NANOGP8: variants seen among roughly 807,000 people sequenced by gnomAD.
NANOGP8 encodes the protein Nanog homeobox retrogene P8.
For missense variants in NANOGP8, 220 were observed against 353.4 expected, an observed-to-expected ratio of 0.62 and a Z score of 3.03; for synonymous variants, 84 against 125.9, an observed-to-expected ratio of 0.67 and a Z score of 2.23.
Position 35,084,874 on chromosome 15 carries a change from A to T in NANOGP8, c.237T>A (p.Ser79=). The change falls in exon 1 of 1, where the codon TCT becomes TCA. Residue 79 remains serine, a synonymous_variant. Coordinates refer to ENST00000528386, the MANE Select transcript of NANOGP8 (RefSeq NM_001355281.2). ...STSPKGKQPT[S]AENSVAKKED... ...CCTTTTTTGCGACACTATTCTCTGC[A>T]GAAGTGGGTTGTTTGCCTTTGGGAC... 2.5e-6 allele frequency: 4 copies of T among 1,613,854 alleles called. No homozygotes were observed. Among genetic ancestry groups the T allele is most frequent in the Non-Finnish European group, 3.4e-6 (4 of 1,179,870 alleles).
Position 35,083,601 on chromosome 15 carries a change from C to T in NANOGP8, c.*592G>A, listed in dbSNP as rs1189522606. ...TCTAAACCCTAAAGATATCCAAACT[C>T]GTATTAGATCTACTTATCTATAGCC... is the stretch of plus-strand genomic sequence containing the variant. On this transcript the variant is annotated 3_prime_UTR_variant, in exon 1 of 1. Transcript: ENST00000528386. 8.6e-6 allele frequency among the ~76,000 whole-genome samples: 1 copy of T among 116,784 alleles called. No individual in the cohort carries two copies. Among genetic ancestry groups the T allele is most frequent in the South Asian group, 3.0e-4 (1 of 3,298 alleles). The allele number at this position is 116,784 out of a possible 152,430, so 76.6% of individuals were successfully genotyped here.
Position 35,084,914 on chromosome 15 carries a change from G to A in NANOGP8, c.197C>T (p.Pro66Leu), listed in dbSNP as rs2050909089. ...SSMDLLIQDS[P>L]DSSTSPKGKQ... is the part of the protein sequence containing the mutation. ...GCCTTTGGGACTGGTGGAAGAATCAGGGCTGTCCTGAATAAGCAGATCCAT... is the reference window on the plus strand; with the variant it reads ...GCCTTTGGGACTGGTGGAAGAATCAAGGCTGTCCTGAATAAGCAGATCCAT... Residue 66 changes from proline to leucine, a missense_variant, in exon 1 of 1, where the codon CCT (proline) becomes CTT (leucine). Transcript: ENST00000528386. 1.2e-6 allele frequency: 2 copies of A among 1,612,614 alleles called. No homozygotes were observed. The highest frequency in any genetic ancestry group is 1.7e-6 in the Non-Finnish European group (2 of 1,179,566).
At position 35,084,587 on chromosome 15, in the gene NANOGP8, G is replaced by A. The variant is rs560631713; in HGVS notation, c.524C>T (p.Pro175Leu). 1 of 1,613,806 alleles carries A rather than the reference G, an allele frequency of 6.2e-7. No homozygotes were observed. Among genetic ancestry groups the A allele is most frequent in the African/African-American group, 1.3e-5 (1 of 74,912 alleles). Residue 175 changes from proline to leucine, a missense_variant, in exon 1 of 1, where the codon CCC becomes CTC. Coordinates refer to ENST00000528386, the MANE Select transcript of NANOGP8 (RefSeq NM_001355281.2). ...VTQKASAPTY[P>L]SLYSSYHQGC... Reference sequence around the variant, plus strand: ...CTGGTGGTAGGAAGAGTAGAGGCTGGGGTAGGTAGGTGCTGAGGCCTTCTG... The same window carrying A: ...CTGGTGGTAGGAAGAGTAGAGGCTGAGGTAGGTAGGTGCTGAGGCCTTCTG...
At position 35,084,606 on chromosome 15, in the gene NANOGP8, C is replaced by T; in HGVS notation, c.505G>A (p.Ala169Thr). 1 of 1,613,938 alleles carries T rather than the reference C, an allele frequency of 6.2e-7. No homozygotes were observed. The highest frequency in any genetic ancestry group is 8.5e-7 in the Non-Finnish European group (1 of 1,179,870). ...AGGCTGGGGTAGGTAGGTGCTGAGG[C>T]CTTCTGCGTCACACCATTGCTATTC... ...PKNSNGVTQK[A>T]SAPTYPSLYS... The change falls in exon 1 of 1, where the codon GCC (alanine) becomes ACC (threonine). Residue 169 changes from alanine to threonine, a missense_variant. By Grantham distance (58) the Ala-to-Thr change is moderately conservative. Coordinates refer to ENST00000528386, the MANE Select transcript of NANOGP8 (RefSeq NM_001355281.2).
In NANOGP8 at chr15:35,084,897, G is replaced by C. The variant is rs536101592; in HGVS notation, c.214C>G (p.Pro72Ala). 3.1e-6 allele frequency: 5 copies of C among 1,613,326 alleles called. No homozygotes were observed. In the African/African-American group the frequency reaches 6.7e-5, roughly 22 times the overall value. ...GCAGAAGTGGGTTGTTTGCCTTTGGGACTGGTGGAAGAATCAGGGCTGTCC... is the reference window on the plus strand; with the variant it reads ...GCAGAAGTGGGTTGTTTGCCTTTGGCACTGGTGGAAGAATCAGGGCTGTCC... ...IQDSPDSSTS[P>A]KGKQPTSAEN... Residue 72 changes from proline to alanine, a missense_variant, in exon 1 of 1, where the codon CCC becomes GCC. Coordinates refer to ENST00000528386, the MANE Select transcript of NANOGP8 (RefSeq NM_001355281.2).
chr15:35,084,756 A>G lies in NANOGP8; in HGVS notation c.355T>C (p.Tyr119His), dbSNP rs1056897278. The change falls in exon 1 of 1, where the codon TAC (tyrosine) becomes CAC (histidine). Residue 119 changes from tyrosine (Y) to histidine (H), a missense_variant. By Grantham distance (83) the Tyr-to-His change is moderately conservative. Coordinates refer to ENST00000528386, the MANE Select transcript of NANOGP8 (RefSeq NM_001355281.2). ...VLNDRFQRQK[Y>H]LSLQQMQELS... is the part of the protein sequence containing the mutation. The stretch of plus-strand genomic sequence containing the variant: ...TCTTGCATCTGCTGGAGGCTGAGGT[A>G]TTTCTGTCTCTGAAATCTATCATTG... 11 of 1,613,958 alleles carry G rather than the reference A, an allele frequency of 6.8e-6. No homozygotes were observed. The highest frequency in any genetic ancestry group is 1.3e-5 in the African/African-American group (1 of 74,918).
chr15:35,084,858 C>A lies in NANOGP8; in HGVS notation c.253G>T (p.Ala85Ser). Reference sequence around the variant, plus strand: ...ACCGGGACCTTGTCTTCCTTTTTTGCGACACTATTCTCTGCAGAAGTGGGT... The same window carrying A: ...ACCGGGACCTTGTCTTCCTTTTTTGAGACACTATTCTCTGCAGAAGTGGGT... ...KQPTSAENSV[A>S]KKEDKVPVKK... The change falls in exon 1 of 1, where the codon GCA becomes TCA. Residue 85 changes from alanine to serine, a missense_variant. Transcript: ENST00000528386. The A allele has an allele frequency of 6.2e-7, 1 of 1,613,782 alleles. No homozygotes were observed. Among genetic ancestry groups the A allele is most frequent in the African/African-American group, 1.3e-5 (1 of 74,998 alleles).
rs895183342 is a variant in NANOGP8, at chr15:35,085,051, T to G, written c.60A>C (p.Lys20Asn). The change falls in exon 1 of 1, where the codon AAA (lysine) becomes AAC (asparagine). Residue 20 changes from lysine (K) to asparagine (N), a missense_variant. Transcript: ENST00000528386. ...SLPCFEESDC[K>N]ESSPMPVICG... Reference sequence around the variant, plus strand: ...AAATCACAGGCATAGGTGAAGATTCTTTACAGTCGGATTCTTCAAAGCAAG... The same window carrying G: ...AAATCACAGGCATAGGTGAAGATTCGTTACAGTCGGATTCTTCAAAGCAAG... 6.3e-7 allele frequency: 1 copy of G among 1,586,770 alleles called. No individual in the cohort carries two copies. Among genetic ancestry groups the G allele is most frequent in the African/African-American group, 1.3e-5 (1 of 74,430 alleles).
Position 35,084,357 on chromosome 15 carries a change from T to G in NANOGP8, c.754A>C (p.Met252Leu), listed in dbSNP as rs111376132. 40,984 of 1,609,716 alleles carry G rather than the reference T, an allele frequency of 0.025. 745 individuals are homozygous for G. Among genetic ancestry groups the G allele is most frequent in the African/African-American group, 0.094 (7,004 of 74,550 alleles). Residue 252 changes from methionine (M) to leucine (L), a missense_variant, in exon 1 of 1, where the codon ATG becomes CTG. Transcript: ENST00000528386. ...NCGEESLQSC[M>L]HFQPNSPASD... is the part of the protein sequence containing the mutation. Reference sequence around the variant, plus strand: ...GCAGGAGAATTTGGCTGGAAGTGCATGCAGGACTGCAGAGATTCCTCTCCA... The same window carrying G: ...GCAGGAGAATTTGGCTGGAAGTGCAGGCAGGACTGCAGAGATTCCTCTCCA...
rs953674603 is a variant in NANOGP8, at chr15:35,085,155, GA to G, written c.-46del. 5 of 1,154,524 alleles carry G rather than the reference GA, an allele frequency of 4.3e-6. No homozygotes were observed. The highest frequency in any genetic ancestry group is 1.9e-5 in the Admixed American group (1 of 51,600). The allele number at this position is 1,154,524 out of a possible 1,614,324, so 71.5% of individuals were successfully genotyped here. A position where few individuals can be genotyped will look rare whatever the true frequency, so the allele number is the denominator to read the frequency against. ...AGGAAAAAATTTAAGAGGTGGACTGGAAAAAAGGTTAAGGCAGCTTTAAGAC... is the reference window on the plus strand; with the variant it reads ...AGGAAAAAATTTAAGAGGTGGACTGGAAAAAGGTTAAGGCAGCTTTAAGAC... On this transcript the variant is annotated 5_prime_UTR_variant, in exon 1 of 1. Transcript: ENST00000528386.
rs2050909153 is a variant in NANOGP8, at chr15:35,084,934, A to G, written c.177T>C (p.Asp59=). The G allele has an allele frequency of 1.9e-6, 3 of 1,611,832 alleles. No individual in the cohort carries two copies. In the East Asian group the frequency reaches 6.7e-5, roughly 36 times the overall value. The change falls in exon 1 of 1, where the codon GAT becomes GAC. Residue 59 remains aspartate (D), a synonymous_variant. Coordinates refer to ENST00000528386, the MANE Select transcript of NANOGP8 (RefSeq NM_001355281.2). ...AATCAGGGCTGTCCTGAATAAGCAG[A>G]TCCATGGAGGAAGGAAGAGGAGAGA... is the stretch of plus-strand genomic sequence containing the variant. The part of the protein sequence containing the change: ...ETVSPLPSSM[D]LLIQDSPDSS...
Position 35,083,967 on chromosome 15 carries a change from T to G in NANOGP8, c.*226A>C, listed in dbSNP as rs1333897752. Among the ~76,000 whole-genome samples, 2 of 89,626 alleles carry G rather than the reference T, an allele frequency of 2.2e-5. No homozygotes were observed. Among genetic ancestry groups the G allele is most frequent in the Non-Finnish European group, 4.6e-5 (2 of 43,218 alleles). The allele number at this position is 89,626 out of a possible 152,430, so 58.8% of individuals were successfully genotyped here. ...TCTCAAAAAAAAAAAAAAAAAAAAG[T>G]ATTTTCTCCAGGAAGATCCAATAGG... On this transcript the variant is annotated 3_prime_UTR_variant, in exon 1 of 1. Transcript: ENST00000528386.
In NANOGP8 at chr15:35,084,524, C is replaced by T; in HGVS notation, c.539G>A (p.Trp180Ter). Residue 180 changes from tryptophan to a stop codon, truncating the protein, a stop_gained, in exon 2 of 2, where the codon TGG becomes TAG. Coordinates refer to the NANOGP8 transcript ENST00000629403. LOFTEE classifies it low-confidence loss of function (END_TRUNC). ...TGAATTGTTCCAGGTCTGGTTGCTC[C>T]ACATTGGAAGGTTCCCAGTCGGGTT... The T allele has an allele frequency of 6.2e-7, 1 of 1,612,458 alleles. No homozygotes were observed. Among genetic ancestry groups the T allele is most frequent in the Non-Finnish European group, 8.5e-7 (1 of 1,179,146 alleles).
rs1595400388 is a variant in NANOGP8, at chr15:35,083,966, G to T, written c.*227C>A. 2.8e-5 allele frequency among the ~76,000 whole-genome samples: 2 copies of T among 71,622 alleles called. No homozygotes were observed. The highest frequency in any genetic ancestry group is 5.5e-4 in the East Asian group (1 of 1,802). 47.0% of individuals were successfully genotyped at this position (71,622 alleles called of 152,430 possible). ...GTCTCAAAAAAAAAAAAAAAAAAAAGTATTTTCTCCAGGAAGATCCAATAG... is the reference window on the plus strand; with the variant it reads ...GTCTCAAAAAAAAAAAAAAAAAAAATTATTTTCTCCAGGAAGATCCAATAG... On this transcript the variant is annotated 3_prime_UTR_variant, in exon 1 of 1. Transcript: ENST00000528386.
Position 35,084,853 on chromosome 15 carries a change from T to C in NANOGP8, c.258A>G (p.Lys86=). ...TCTTGACCGGGACCTTGTCTTCCTTTTTTGCGACACTATTCTCTGCAGAAG... is the reference window on the plus strand; with the variant it reads ...TCTTGACCGGGACCTTGTCTTCCTTCTTTGCGACACTATTCTCTGCAGAAG... ...QPTSAENSVA[K]KEDKVPVKKQ... is the part of the protein sequence containing the mutation. The change falls in exon 1 of 1, where the codon AAA becomes AAG. Residue 86 remains lysine, a synonymous_variant. Coordinates refer to ENST00000528386, the MANE Select transcript of NANOGP8 (RefSeq NM_001355281.2). 6.2e-7 allele frequency: 1 copy of C among 1,613,978 alleles called. No individual in the cohort carries two copies. The highest frequency in any genetic ancestry group is 8.5e-7 in the Non-Finnish European group (1 of 1,179,886).
rs1190292700 is a variant in NANOGP8 at position 35,084,644 on chromosome 15, T to A, written c.467A>T (p.Asn156Ile). 1 of 1,613,938 alleles carries A rather than the reference T, an allele frequency of 6.2e-7. No homozygotes were observed. Among genetic ancestry groups the A allele is most frequent in the Non-Finnish European group, 8.5e-7 (1 of 1,179,926 alleles). The change falls in exon 1 of 1, where the codon AAC (asparagine) becomes ATC (isoleucine). Residue 156 changes from asparagine to isoleucine, a missense_variant. Physicochemically the swap from Asn to Ile is moderately radical, Grantham distance 149. Coordinates refer to ENST00000528386, the MANE Select transcript of NANOGP8 (RefSeq NM_001355281.2). Reference protein sequence around the residue: ...QRMKSKRWQKNNWPKNSNGVT... With the variant: ...QRMKSKRWQKINWPKNSNGVT... ...ACCATTGCTATTCTTCGGCCAGTTGTTTTTCTGCCACCTCTTAGATTTCAT... is the reference window on the plus strand; with the variant it reads ...ACCATTGCTATTCTTCGGCCAGTTGATTTTCTGCCACCTCTTAGATTTCAT...
In NANOGP8 at chr15:35,083,672, G is replaced by A. The variant is rs554368115; in HGVS notation, c.*521C>T. Among the ~76,000 whole-genome samples, 1,166 of 152,006 alleles carry A rather than the reference G, an allele frequency of 7.7e-3. 7 individuals are homozygous for A. The highest frequency in any genetic ancestry group is 0.026 in the African/African-American group (1,087 of 41,396). The stretch of plus-strand genomic sequence containing the variant: ...TTAAAATGTCTTTTCTAGGCAGGGC[G>A]CGGTGGCTCACGCCTGTAAATCCCA... On this transcript the variant is annotated 3_prime_UTR_variant, in exon 1 of 1. Coordinates refer to ENST00000528386, the MANE Select transcript of NANOGP8 (RefSeq NM_001355281.2).
Position 35,084,938 on chromosome 15 carries a change from A to G in NANOGP8, c.173T>C (p.Met58Thr), listed in dbSNP as rs2050909204. Reference sequence around the variant, plus strand: ...AGGGCTGTCCTGAATAAGCAGATCCATGGAGGAAGGAAGAGGAGAGACAGT... The same window carrying G: ...AGGGCTGTCCTGAATAAGCAGATCCGTGGAGGAAGGAAGAGGAGAGACAGT... Reference protein sequence around the residue: ...TETVSPLPSSMDLLIQDSPDS... With the variant: ...TETVSPLPSSTDLLIQDSPDS... Residue 58 changes from methionine (M) to threonine (T), a missense_variant, in exon 1 of 1, where the codon ATG (methionine) becomes ACG (threonine). Met to Thr is a moderately conservative substitution (Grantham distance 81). Transcript: ENST00000528386. 1.9e-6 allele frequency: 3 copies of G among 1,611,742 alleles called. No homozygotes were observed. The highest frequency in any genetic ancestry group is 2.5e-6 in the Non-Finnish European group (3 of 1,179,010).
In NANOGP8 at chr15:35,084,644, T is replaced by G; in HGVS notation, c.467A>C (p.Asn156Thr). Reference protein sequence around the residue: ...QRMKSKRWQKNNWPKNSNGVT... With the variant: ...QRMKSKRWQKTNWPKNSNGVT... ...ACCATTGCTATTCTTCGGCCAGTTGTTTTTCTGCCACCTCTTAGATTTCAT... is the reference window on the plus strand; with the variant it reads ...ACCATTGCTATTCTTCGGCCAGTTGGTTTTCTGCCACCTCTTAGATTTCAT... Residue 156 changes from asparagine to threonine, a missense_variant, in exon 1 of 1, where the codon AAC becomes ACC. Asn to Thr is a moderately conservative substitution (Grantham distance 65, BLOSUM62 0). Transcript: ENST00000528386. 6.2e-7 allele frequency: 1 copy of G among 1,614,056 alleles called. No individual in the cohort carries two copies.
Sources: gnomAD v4.1 joint callset for allele counts (sites outside exome capture counted in the v4.1 genomes callset) on GRCh38, gnomAD v4.1.1 for gene constraint, MANE v1.5 for transcripts, NCBI Gene and HGNC (gene_info 2026-07-23, HGNC 2026-07-21) for gene names.